ALKBH1: variants seen among roughly 807,000 people sequenced by gnomAD.
ALKBH1 encodes the protein nucleic acid dioxygenase ALKBH1.
ALKBH1 carries 31 observed loss-of-function variants against 36.6 expected under a neutral mutation model. That is an observed-to-expected ratio of 0.85 (90% CI 0.64 to 1.14). The LOEUF (loss-of-function observed/expected upper bound fraction) is 1.14. Ranked by LOEUF, ALKBH1 falls within the 50% of genes most tolerant of loss-of-function variation. The pLI is 0.00. For missense variants in ALKBH1, 490 were observed against 497.3 expected (o/e 0.99, Z 0.14); for synonymous variants, 183 against 186.6 (o/e 0.98, Z 0.16).
At chr14:77,702,417 C>A (rs2080364408) in intron 2 of ALKBH1, among the ~76,000 whole-genome samples, 1 of 151,976 alleles carries the variant, frequency 6.6e-6, no homozygotes, top group Non-Finnish European at 1.5e-5. Flanking sequence ...CAAGAGGAGC[C>A]AGGCTGTTAT....
intron 3 of ALKBH1, among the ~76,000 whole-genome samples, chr14:77,681,013 G>A (rs747755979): frequency 2.0e-5 from 3 of 152,014 alleles, no homozygotes; most frequent in Non-Finnish European, 4.4e-5. Context: ...TGTTTGTTTG[G>A]CTCACCTCCA....
Position 77,672,677 on chromosome 14 carries a change from T to C in ALKBH1, c.*1135A>G, listed in dbSNP as rs1439831953. 2 of 152,192 alleles carry C rather than the reference T, an allele frequency of 1.3e-5. No homozygotes were observed. Among genetic ancestry groups the C allele is most frequent in the Non-Finnish European group, 2.9e-5 (2 of 68,026 alleles). 9.4% of individuals were successfully genotyped at this position (152,192 alleles called of 1,614,324 possible). A position where few individuals can be genotyped will look rare whatever the true frequency, so the allele number is the denominator to read the frequency against. ...CACTTAATTCTCTTTCAAATACCAATATCCCTTTAGGAAGATGGTAGTCTA... is the reference window on the plus strand; with the variant it reads ...CACTTAATTCTCTTTCAAATACCAACATCCCTTTAGGAAGATGGTAGTCTA... On this transcript the variant is annotated 3_prime_UTR_variant, in exon 6 of 6. Transcript: ENST00000216489.
rs773510470 is a variant in ALKBH1, at chr14:77,707,995, T to A, written c.10A>T (p.Met4Leu). 2.5e-6 allele frequency: 4 copies of A among 1,609,428 alleles called. No individual in the cohort carries two copies. The highest frequency in any genetic ancestry group is 3.4e-6 in the Non-Finnish European group (4 of 1,177,086). MGK[M>L]AAAVGSVATL... ...GCCACAGAGCCCACGGCCGCTGCCA[T>A]CTTCCCCATCTCGCGGCCTATACCC... is the stretch of plus-strand genomic sequence containing the variant. Residue 4 changes from methionine (M) to leucine (L), a missense_variant, in exon 1 of 6, where the codon ATG becomes TTG. Physicochemically the swap from Met to Leu is conservative, Grantham distance 15. Transcript: ENST00000216489.
intron 1 of ALKBH1, among the ~76,000 whole-genome samples, chr14:77,705,381 A>C (rs1159112708): frequency 6.9e-6 from 1 of 145,594 alleles, no homozygotes; most frequent in Non-Finnish European, 1.5e-5. Flanking sequence ...ACTGTACTCC[A>C]GCCTAGGAAC....
At chr14:77,698,428 T>G (rs2080340946) in intron 2 of ALKBH1, among the ~76,000 whole-genome samples, 1 of 152,202 alleles carries the variant, frequency 6.6e-6, no homozygotes, top group Non-Finnish European at 1.5e-5. Context: ...AAAGGGTTTG[T>G]GCCTGAGGGA....
chr14:77,688,545 C>T (rs998575733), intron 3 of ALKBH1, among the ~76,000 whole-genome samples: 5 of 137,754 alleles, frequency 3.6e-5, no homozygotes, highest in African/African-American at 1.1e-4. Context: ...TGAGCCACTG[C>T]ACCCAGCCTT....
intron 4 of ALKBH1, among the ~76,000 whole-genome samples, chr14:77,676,975 G>GT (rs902579958): frequency 6.6e-6 from 1 of 151,470 alleles, no homozygotes; most frequent in African/African-American, 2.4e-5. Flanking sequence ...GGCTGTCTCT[G>GT]TTTTTTACAC....
intron 2 of ALKBH1, among the ~76,000 whole-genome samples, chr14:77,703,891 C>T (rs2080373983): frequency 6.6e-6 from 1 of 152,106 alleles, no homozygotes; most frequent in Admixed American, 6.6e-5. Flanking sequence ...AGCCACCACG[C>T]CTGGCGAGGA....
chr14:77,686,297 T>C (rs139251556), intron 3 of ALKBH1, among the ~76,000 whole-genome samples: 1 of 152,328 alleles, frequency 6.6e-6, no homozygotes, highest in Non-Finnish European at 1.5e-5. Context: ...TTGTTCTCTT[T>C]TTAAACCTGA....
intron 2 of ALKBH1, among the ~76,000 whole-genome samples, chr14:77,698,633 T>C (rs910720816): frequency 6.6e-6 from 1 of 152,246 alleles, no homozygotes; most frequent in Non-Finnish European, 1.5e-5. Context: ...CTGAATTAAA[T>C]GCTGGCAATA....
At chr14:77,707,770 C>T in intron 1 of ALKBH1, 52 bp downstream of exon 1, 2 of 1,539,702 alleles carry the variant, frequency 1.3e-6, no homozygotes, top group Non-Finnish European at 1.8e-6. Flanking sequence ...TAAGTCCCTC[C>T]AAGACGCGGG....
At chr14:77,681,884 A>G (rs1384680565) in intron 3 of ALKBH1, among the ~76,000 whole-genome samples, 1 of 152,228 alleles carries the variant, frequency 6.6e-6, no homozygotes, top group South Asian at 2.1e-4. Context: ...ACCCATTGCC[A>G]TATCCGGTGT....
intron 4 of ALKBH1, among the ~76,000 whole-genome samples, chr14:77,678,148 A>C (rs886970338): frequency 7.9e-5 from 12 of 151,452 alleles, no homozygotes; most frequent in South Asian, 2.1e-4. Context: ...ACTGCTTAGA[A>C]TAGCCAGACA....
chr14:77,683,433 G>C (rs1329740559), intron 3 of ALKBH1: 3 of 752,162 alleles, frequency 4.0e-6, no homozygotes, highest in Admixed American at 3.5e-5. Flanking sequence ...CAAGAGTCTT[G>C]CCCTTAACTT....
At chr14:77,686,656 G>A (rs528298653) in intron 3 of ALKBH1, among the ~76,000 whole-genome samples, 11 of 152,208 alleles carry the variant, frequency 7.2e-5, no homozygotes, top group African/African-American at 2.2e-4. Context: ...ACAGAGTCTC[G>A]TTTTGTCGCC....
chr14:77,707,364 C>T (rs920445785), intron 1 of ALKBH1, among the ~76,000 whole-genome samples: 4 of 152,174 alleles, frequency 2.6e-5, no homozygotes, highest in African/African-American at 7.2e-5. Flanking sequence ...CCTTCAATGA[C>T]CTCCTTCTAA....
chr14:77,680,832 A>G (rs2080233845), intron 3 of ALKBH1, among the ~76,000 whole-genome samples: 3 of 152,044 alleles, frequency 2.0e-5, no homozygotes, highest in Non-Finnish European at 4.4e-5. Context: ...GGCATGCACC[A>G]CTACGCCCAG....
At chr14:77,705,986 T>TG (rs2080387455) in intron 1 of ALKBH1, among the ~76,000 whole-genome samples, 1 of 151,950 alleles carries the variant, frequency 6.6e-6, no homozygotes, top group African/African-American at 2.4e-5. Flanking sequence ...ACCTAGGAGA[T>TG]GGAGGTTGCA....
At position 77,682,196 on chromosome 14, in the gene ALKBH1, T is replaced by C. The variant is rs184787288; in HGVS notation, c.456-2226A>G. Among the ~76,000 whole-genome samples the C allele has an allele frequency of 2.0e-5, 3 of 152,346 alleles. No individual in the cohort carries two copies. The East Asian group carries it at 5.8e-4, about 29-fold the overall frequency. ...AATATGGATAACAACCACACATTAT[T>C]TTTGTGCATAAAAACTGAAATATGA... On this transcript the variant is annotated intron_variant, in intron 3 of 5. Transcript: ENST00000216489.
Sources: allele counts gnomAD v4.1 joint callset (sites outside exome capture counted in the v4.1 genomes callset), GRCh38; gene constraint gnomAD v4.1.1; transcripts MANE v1.5; gene names NCBI Gene and HGNC (gene_info 2026-07-23, HGNC 2026-07-21).